GABRG3: variants seen among roughly 807,000 people sequenced by gnomAD.
The protein encoded by GABRG3 is gamma-aminobutyric acid receptor subunit gamma-3.
Under a neutral mutation model 48.8 loss-of-function variants are expected in GABRG3, and 25 were observed. That is an observed-to-expected ratio of 0.51 (90% confidence interval 0.37 to 0.72). GABRG3 has a LOEUF of 0.72. Ranked by LOEUF, GABRG3 falls within the 30% of genes least tolerant of loss-of-function variation. The pLI, the probability that GABRG3 is intolerant of heterozygous loss-of-function variation, is 0.00. For synonymous variants in GABRG3, 227 were observed against 217.6 expected, an observed-to-expected ratio of 1.04 and a Z score of -0.38; for missense variants, 394 against 577.9, an observed-to-expected ratio of 0.68 and a Z score of 3.26.
intron 5 of GABRG3, among the ~76,000 whole-genome samples, chr15:27,334,368 G>A (rs952989442): frequency 6.6e-6 from 1 of 152,052 alleles, no homozygotes; most frequent in Non-Finnish European, 1.5e-5. Flanking sequence ...ATCTCTTTCT[G>A]TTGTTTAGTT....
rs1011989325 is a variant in GABRG3 at position 27,534,669 on chromosome 15, A to G, written c.*1788A>G. On this transcript the variant is annotated 3_prime_UTR_variant, in exon 10 of 10. Transcript: ENST00000615808. ...GTATAGAAAAGTATCAATTTCACAC[A>G]ATGTCCTGGATGTATACCAGACACA... 6.6e-5 allele frequency: 10 copies of G among 152,352 alleles called. No individual in the cohort carries two copies. The highest frequency in any genetic ancestry group is 2.2e-4 in the African/African-American group (9 of 41,582). The allele number at this position is 152,352 out of a possible 1,614,324, so 9.4% of individuals were successfully genotyped here. A position where few individuals can be genotyped will look rare whatever the true frequency, so the allele number is the denominator to read the frequency against.
At chr15:27,071,676 C>A (rs1038908011) in intron 3 of GABRG3, among the ~76,000 whole-genome samples, 1 of 152,054 alleles carries the variant, frequency 6.6e-6, no homozygotes, top group African/African-American at 2.4e-5. Flanking sequence ...TCTCCCTCAG[C>A]GATAAAGCAA....
At chr15:27,314,556 T>G (rs747095300) in intron 3 of GABRG3, among the ~76,000 whole-genome samples, 11 of 152,124 alleles carry the variant, frequency 7.2e-5, no homozygotes, top group Non-Finnish European at 1.3e-4. Flanking sequence ...AATTCCAGCT[T>G]TGGGTATTTA....
chr15:26,996,806 C>G (rs898577806), intron 2 of GABRG3, among the ~76,000 whole-genome samples: 2 of 152,026 alleles, frequency 1.3e-5, no homozygotes, highest in Non-Finnish European at 2.9e-5. Context: ...CCTGCCACCA[C>G]GCCCAGCTAA....
chr15:27,408,140 T>C (rs561437425), intron 5 of GABRG3, among the ~76,000 whole-genome samples: 6 of 152,098 alleles, frequency 3.9e-5, no homozygotes, highest in Non-Finnish European at 8.8e-5. Flanking sequence ...AATCACAGAC[T>C]AGTAGATCTG....
At chr15:27,144,019 G>A (rs1476707253) in intron 3 of GABRG3, among the ~76,000 whole-genome samples, 1 of 152,178 alleles carries the variant, frequency 6.6e-6, no homozygotes. Flanking sequence ...CAAGCCTTAT[G>A]AAATATTAAG....
rs561263618 is a variant in GABRG3, at chr15:27,291,064, T to A, written c.271-35745T>A. Among the ~76,000 whole-genome samples, 4 of 152,344 alleles carry A rather than the reference T, an allele frequency of 2.6e-5. No individual in the cohort carries two copies. The South Asian group carries it at 8.3e-4, about 32-fold the overall frequency. ...GTACAATGAATTATAAGTGCCCCAA[T>A]AACAACGGAAGTGCTCATATTTTCT... On this transcript the variant is annotated intron_variant, in intron 3 of 9. Transcript: ENST00000615808.
In GABRG3 at chr15:27,392,271, A is replaced by G. The variant is rs113431640; in HGVS notation, c.574+63383A>G. Among the ~76,000 whole-genome samples the G allele has an allele frequency of 5.4e-3, 820 of 152,302 alleles. 2 individuals carry two copies. The highest frequency in any genetic ancestry group is 9.3e-3 in the Non-Finnish European group (635 of 68,032). Reference sequence around the variant, plus strand: ...CCTCTGTTCTAGGATCCTGTCCAAGATACCACATTGCATTTAGCTGTCATG... The same window carrying G: ...CCTCTGTTCTAGGATCCTGTCCAAGGTACCACATTGCATTTAGCTGTCATG... On this transcript the variant is annotated intron_variant, in intron 5 of 9. Transcript: ENST00000615808.
chr15:27,026,692 A>T (rs1895988656), intron 2 of GABRG3, 62 bp from the exon 3 acceptor site: 1 of 1,225,382 alleles, frequency 8.2e-7, no homozygotes, highest in East Asian at 2.4e-5. Flanking sequence ...TAGGACTTGA[A>T]TGTGCTCTCC....
intron 3 of GABRG3, among the ~76,000 whole-genome samples, chr15:27,095,221 G>A (rs1897251156): frequency 1.3e-5 from 2 of 152,222 alleles, no homozygotes; most frequent in Non-Finnish European, 2.9e-5. Flanking sequence ...TCAGGCCCCT[G>A]TGTGGCTGGC....
At chr15:27,194,931 ATGTT>A (rs1305781958) in intron 3 of GABRG3, among the ~76,000 whole-genome samples, 1 of 151,708 alleles carries the variant, frequency 6.6e-6, no homozygotes, top group Non-Finnish European at 1.5e-5. Flanking sequence ...TTCCCTGAGA[ATGTT>A]TGTTTGTTTA....
intron 3 of GABRG3, among the ~76,000 whole-genome samples, chr15:27,045,749 C>T (rs978804221): frequency 1.3e-5 from 2 of 152,206 alleles, no homozygotes; most frequent in African/African-American, 2.4e-5. Flanking sequence ...GAGCCCACAA[C>T]GTCTTTTTGG....
chr15:27,225,723 G>A (rs767124056), intron 3 of GABRG3, among the ~76,000 whole-genome samples: 2 of 152,074 alleles, frequency 1.3e-5, no homozygotes, highest in Non-Finnish European at 2.9e-5. Context: ...TGCATCTAAA[G>A]TTGGCAGCTG....
At chr15:26,971,654 G>A in intron 1 of GABRG3, 66 bp downstream of exon 1, 9 of 1,469,694 alleles carry the variant, frequency 6.1e-6, no homozygotes, top group Non-Finnish European at 7.2e-6. Flanking sequence ...GGGGGGCGCT[G>A]TCTGCTGGAG....
intron 3 of GABRG3, among the ~76,000 whole-genome samples, chr15:27,071,473 C>G (rs892705292): frequency 1.6e-4 from 25 of 152,264 alleles, no homozygotes; most frequent in African/African-American, 6.0e-4. Flanking sequence ...CTGAGTGCTC[C>G]CATTAGGGAA....
intron 3 of GABRG3, among the ~76,000 whole-genome samples, chr15:27,190,254 G>A (rs1054556395): frequency 6.6e-6 from 1 of 152,198 alleles, no homozygotes; most frequent in Non-Finnish European, 1.5e-5. Context: ...ATGAGTTAGG[G>A]AGGATTCCCT....
chr15:26,985,293 G>C (rs1895130740), intron 2 of GABRG3, among the ~76,000 whole-genome samples: 1 of 152,190 alleles, frequency 6.6e-6, no homozygotes, highest in South Asian at 2.1e-4. Context: ...CAGGATGGCT[G>C]AGATGATGCA....
intron 9 of GABRG3, among the ~76,000 whole-genome samples, chr15:27,528,232 C>G (rs8043219): frequency 0.017 from 2,647 of 152,220 alleles, 83 homozygotes; most frequent in African/African-American, 0.059. Flanking sequence ...ATATATAGTT[C>G]TGACTCTTTT....
intron 3 of GABRG3, among the ~76,000 whole-genome samples, chr15:27,193,174 A>T (rs576644918): frequency 4.6e-5 from 7 of 152,144 alleles, no homozygotes; most frequent in Non-Finnish European, 1.0e-4. Context: ...GGGGTCAGGG[A>T]CCCACATGAG....
Sources: allele counts gnomAD v4.1 joint callset (sites outside exome capture counted in the v4.1 genomes callset), GRCh38; gene constraint gnomAD v4.1.1; transcripts MANE v1.5; gene names NCBI Gene and HGNC (gene_info 2026-07-23, HGNC 2026-07-21).